The following USP13 variants were observed in gnomAD, a reference collection of about 807,000 sequenced individuals.
The protein encoded by USP13 is ubiquitin specific peptidase 13.
USP13 carries 68 observed loss-of-function variants against 107.8 expected under a neutral mutation model. The ratio of observed to expected loss-of-function variants is 0.63; its 90% CI spans 0.52 to 0.77. The LOEUF (loss-of-function observed/expected upper bound fraction) is 0.77, where lower values mean the gene tolerates loss of function less well. Among genes scored for constraint, USP13 ranks in the 30% least tolerant of loss-of-function variants. USP13 has a pLI of 0.00. For synonymous variants in USP13, 377 were observed against 389.5 expected, an observed-to-expected ratio of 0.97 and a Z score of 0.38; for missense variants, 945 against 1,093.3, an observed-to-expected ratio of 0.86 and a Z score of 1.91.
At chr3:179,745,419 A>G (rs765924096) in intron 13 of USP13, among the ~76,000 whole-genome samples, 1 of 152,122 alleles carries the variant, frequency 6.6e-6, no homozygotes, top group Non-Finnish European at 1.5e-5. Flanking sequence ...CCTGTGATTT[A>G]TATTACGTGC....
chr3:179,730,507 A>AC (rs1410917477), intron 9 of USP13, 109 bp from the exon 10 acceptor site: 2 of 961,188 alleles, frequency 2.1e-6, no homozygotes, highest in African/African-American at 3.3e-5. Context: ...ACGCAGATCA[A>AC]ATGCTCCACC....
intron 19 of USP13, among the ~76,000 whole-genome samples, chr3:179,775,615 G>A (rs1184849670): frequency 6.6e-6 from 1 of 152,232 alleles, no homozygotes; most frequent in African/African-American, 2.4e-5. Flanking sequence ...GCCCACCACG[G>A]TGGGGGCTCA....
rs968909869 is a variant in USP13 at position 179,696,309 on chromosome 3, A to G, written c.356-4699A>G. On this transcript the variant is annotated intron_variant, in intron 3 of 20. Transcript: ENST00000263966. Reference sequence around the variant, plus strand: ...CAAGTTTTTTTGATCTAACTACTAAATAAACAGAGCCATTAGGCATTTTTT... The same window carrying G: ...CAAGTTTTTTTGATCTAACTACTAAGTAAACAGAGCCATTAGGCATTTTTT... Among the ~76,000 whole-genome samples, 5 of 151,324 alleles carry G rather than the reference A, an allele frequency of 3.3e-5. No individual in the cohort carries two copies. The Admixed American group carries it at 3.3e-4, about 10-fold the overall frequency.
In USP13 at chr3:179,767,505, A is replaced by G. The variant is rs527474302; in HGVS notation, c.2413+1657A>G. On this transcript the variant is annotated intron_variant, in intron 19 of 20. Transcript: ENST00000263966. ...AGTGGCACGATCTTGGCTCACTGCA[A>G]CCTCCACCTCCCAGGTTCAAGCGAT... is the stretch of plus-strand genomic sequence containing the variant. Among the ~76,000 whole-genome samples, 22 of 151,662 alleles carry G rather than the reference A, an allele frequency of 1.5e-4. 1 individual carries two copies. The highest frequency in any genetic ancestry group is 4.4e-5 in the Non-Finnish European group (3 of 67,902).
Position 179,678,181 on chromosome 3 carries a change from C to G in USP13, c.169-3697C>G, listed in dbSNP as rs930817576. Among the ~76,000 whole-genome samples the G allele has an allele frequency of 6.6e-6, 1 of 152,030 alleles. No individual in the cohort carries two copies. The highest frequency in any genetic ancestry group is 2.4e-5 in the African/African-American group (1 of 41,388). On this transcript the variant is annotated intron_variant, in intron 1 of 20. Coordinates refer to ENST00000263966, the MANE Select transcript of USP13 (RefSeq NM_003940.3). The surrounding 1 kb of genome is among the most constrained non-coding windows in gnomAD (Gnocchi z 4.2). ...AAATCTTCTGGTTCAAATTCATTGA[C>G]TGAATTACATTTTATTAGAAGAGAA...
intron 6 of USP13, among the ~76,000 whole-genome samples, chr3:179,710,659 G>A (rs1182509396): frequency 2.6e-5 from 4 of 152,172 alleles, no homozygotes; most frequent in Non-Finnish European, 5.9e-5. Context: ...TAAGGATGGT[G>A]ATATGTTCCG....
At chr3:179,738,710 TCC>T (rs1211321691) in intron 10 of USP13, among the ~76,000 whole-genome samples, 2 of 152,202 alleles carry the variant, frequency 1.3e-5, no homozygotes, top group African/African-American at 4.8e-5. Flanking sequence ...TCCCCTAGAT[TCC>T]TTGTGATTTT....
chr3:179,683,242 C>T (rs1312011013), intron 2 of USP13, among the ~76,000 whole-genome samples: 3 of 144,116 alleles, frequency 2.1e-5, no homozygotes, highest in African/African-American at 5.2e-5. Flanking sequence ...TGTGGCTTGT[C>T]GTTTTACTTT....
chr3:179,765,838 T>C lies in USP13; in HGVS notation c.2403T>C (p.Asp801=). Residue 801 remains aspartate (D), a synonymous_variant, in exon 19 of 21, where the codon GAT becomes GAC. Coordinates refer to ENST00000263966, the MANE Select transcript of USP13 (RefSeq NM_003940.3). ...AGCCCGAAGGACCTAGAGTCAAGGA[T>C]GGATCTGGAAGTAAGTTCTTGCCTT... The part of the protein sequence containing the change: ...EAKPEGPRVK[D]GSGTYELFAF... 4 of 1,614,102 alleles carry C rather than the reference T, an allele frequency of 2.5e-6. No homozygotes were observed. Among genetic ancestry groups the C allele is most frequent in the Non-Finnish European group, 3.4e-6 (4 of 1,179,990 alleles).
intron 11 of USP13, 94 bp downstream of exon 11, chr3:179,740,466 C>G (rs1392895774): frequency 1.6e-5 from 24 of 1,543,552 alleles, no homozygotes; most frequent in Non-Finnish European, 1.9e-5. Flanking sequence ...GAATGCCTCC[C>G]CACTCTCTTT....
rs576753833 is a variant in USP13, at chr3:179,654,649, G to C, written c.168+1256G>C. 2.0e-5 allele frequency among the ~76,000 whole-genome samples: 3 copies of C among 152,300 alleles called. No individual in the cohort carries two copies. The East Asian group carries it at 5.8e-4, about 29-fold the overall frequency. ...GGCAGATCTCAATGCATTGGGAGGC[G>C]CATGGATTGGATGGACCGAGGCAGG... On this transcript the variant is annotated intron_variant, in intron 1 of 20. Coordinates refer to ENST00000263966, the MANE Select transcript of USP13 (RefSeq NM_003940.3).
chr3:179,777,841 T>C (rs1715602015), intron 19 of USP13, among the ~76,000 whole-genome samples: 1 of 152,102 alleles, frequency 6.6e-6, no homozygotes, highest in South Asian at 2.1e-4. Context: ...ATTAGGAATT[T>C]GATATAGAAT....
At chr3:179,736,938 T>C (rs1714015267) in intron 10 of USP13, among the ~76,000 whole-genome samples, 2 of 152,200 alleles carry the variant, frequency 1.3e-5, no homozygotes, top group Non-Finnish European at 2.9e-5. Context: ...AATAACACTA[T>C]CAGCAGCAGG....
At chr3:179,694,212 T>G (rs1157836411) in intron 3 of USP13, among the ~76,000 whole-genome samples, 2 of 152,110 alleles carry the variant, frequency 1.3e-5, no homozygotes, top group African/African-American at 4.8e-5. Flanking sequence ...GGGGCTCAAG[T>G]GATCTGCCTG....
In USP13 at chr3:179,653,327, G is replaced by A; in HGVS notation, c.102G>A (p.Thr34=). 6.3e-7 allele frequency: 1 copy of A among 1,578,760 alleles called. No individual in the cohort carries two copies. Among genetic ancestry groups the A allele is most frequent in the Non-Finnish European group, 8.6e-7 (1 of 1,162,804 alleles). Residue 34 remains threonine (T), a synonymous_variant, in exon 1 of 21, where the codon ACG becomes ACA. Transcript: ENST00000263966. This position sits in a 1 kb window ranked among gnomAD's most constrained non-coding sequence, Gnocchi z 4.0. ...AGCTGCTAGTGCCCCACATGCCCAC[G>A]ATCCGCGTGCCCAGGTCCGGCGACA... ...IGELLVPHMP[T]IRVPRSGDRV... is the part of the protein sequence containing the mutation.
chr3:179,770,360 C>T (rs1715307175), intron 19 of USP13, among the ~76,000 whole-genome samples: 1 of 152,094 alleles, frequency 6.6e-6, no homozygotes, highest in Admixed American at 6.6e-5. Flanking sequence ...AGTTATATCT[C>T]GAAATTACAT....
At chr3:179,699,751 ATTTATTT>A (rs1712450325) in intron 3 of USP13, among the ~76,000 whole-genome samples, 4 of 70,666 alleles carry the variant, frequency 5.7e-5, no homozygotes, top group African/African-American at 3.3e-4. Flanking sequence ...TATTTATTTT[ATTTATTT>A]ATTTATTTAT....
intron 13 of USP13, among the ~76,000 whole-genome samples, chr3:179,749,189 T>C (rs1714511662): frequency 6.6e-6 from 1 of 152,236 alleles, no homozygotes; most frequent in Non-Finnish European, 1.5e-5. Context: ...ATAAAATCTT[T>C]ATCGTATTTT....
In USP13 at chr3:179,745,029, G is replaced by T; in HGVS notation, c.1535-14G>T. On this transcript the variant is annotated splice_polypyrimidine_tract_variant and intron_variant, in intron 12 of 20. Transcript: ENST00000263966. Reference sequence around the variant, plus strand: ...AGAGCGATTGCAAGGTCTTTGATTTGCTCTTTCACCCAGATGAACTGATCG... The same window carrying T: ...AGAGCGATTGCAAGGTCTTTGATTTTCTCTTTCACCCAGATGAACTGATCG... 6.2e-7 allele frequency: 1 copy of T among 1,613,922 alleles called. No individual in the cohort carries two copies. The highest frequency in any genetic ancestry group is 1.7e-5 in the Admixed American group (1 of 60,004).
Sources: allele counts gnomAD v4.1 joint callset (sites outside exome capture counted in the v4.1 genomes callset), GRCh38; gene constraint gnomAD v4.1.1; non-coding constraint Gnocchi (gnomAD v3.1); transcripts MANE v1.5; gene names NCBI Gene and HGNC (gene_info 2026-07-23, HGNC 2026-07-21).